RFX2: variants seen among roughly 807,000 people sequenced by gnomAD.
The protein encoded by RFX2 is regulatory factor X2, also known as DNA-binding protein RFX2.
RFX2 carries 20 observed loss-of-function variants against 87.8 expected under a neutral mutation model. The ratio of observed to expected loss-of-function variants is 0.23; its 90% CI spans 0.16 to 0.33. The LOEUF is 0.33. Among genes scored for constraint, RFX2 ranks in the 10% least tolerant of loss-of-function variants. The pLI, the probability that RFX2 is intolerant of heterozygous loss-of-function variation, is 1.00. For missense variants in RFX2, 767 were observed against 1,012.3 expected (o/e 0.76, Z 3.29); for synonymous variants, 397 against 431.3 (o/e 0.92, Z 0.98).
chr19:6,037,677 C>A (rs1371916801), intron 5 of RFX2, among the ~76,000 whole-genome samples: 1 of 152,132 alleles, frequency 6.6e-6, no homozygotes, highest in Admixed American at 6.5e-5. Flanking sequence ...TAAACTTATA[C>A]AGAAACTTTG....
rs564193398 is a variant in RFX2 at position 6,018,560 on chromosome 19, A to C, written c.598-2289T>G. Reference sequence around the variant, plus strand: ...GAATTGCAGGTGAGCTGCGGGGCTGAGTTCCATTTTAGGAAGGGGGAAGTT... The same window carrying C: ...GAATTGCAGGTGAGCTGCGGGGCTGCGTTCCATTTTAGGAAGGGGGAAGTT... On this transcript the variant is annotated intron_variant, in intron 6 of 17. Coordinates refer to ENST00000303657, the MANE Select transcript of RFX2 (RefSeq NM_000635.4). 1.1e-4 allele frequency among the ~76,000 whole-genome samples: 17 copies of C among 152,288 alleles called. No individual in the cohort carries two copies. The East Asian group carries it at 3.3e-3, about 29-fold the overall frequency.
At chr19:6,092,951 G>T (rs1013594845) in intron 1 of RFX2, among the ~76,000 whole-genome samples, 1 of 150,990 alleles carries the variant, frequency 6.6e-6, no homozygotes, top group African/African-American at 2.5e-5. Flanking sequence ...ACACGCATGT[G>T]GTAAAAAAAA....
At chr19:6,098,147 T>G (rs1238639659) in intron 1 of RFX2, among the ~76,000 whole-genome samples, 1 of 152,208 alleles carries the variant, frequency 6.6e-6, no homozygotes, top group Non-Finnish European at 1.5e-5. Context: ...ATCTATGAGC[T>G]TTGTAACCAG....
chr19:6,070,085 G>T (rs1419390174), intron 1 of RFX2, among the ~76,000 whole-genome samples: 2 of 145,034 alleles, frequency 1.4e-5, no homozygotes, highest in Non-Finnish European at 3.0e-5. Context: ...GGATGGGATG[G>T]GATGGGATGT....
In RFX2 at chr19:6,064,545, T is replaced by A. The variant is rs2087483334; in HGVS notation, c.-8-17041A>T. 6.6e-6 allele frequency among the ~76,000 whole-genome samples: 1 copy of A among 152,186 alleles called. No homozygotes were observed. The stretch of plus-strand genomic sequence containing the variant: ...GGACCTTGAAATGACAAGTGACAGT[T>A]CCTCAGCAGTAGCATCTCCTGCTTT... On this transcript the variant is annotated intron_variant, in intron 1 of 17. Transcript: ENST00000303657. The surrounding 1 kb of genome is among the most constrained non-coding windows in gnomAD (Gnocchi z 4.8).
In RFX2 at chr19:6,006,881, C is replaced by T. The variant is rs544338716; in HGVS notation, c.1402+131G>A. 131 of 1,024,282 alleles carry T rather than the reference C, an allele frequency of 1.3e-4. 1 individual carries two copies. The highest frequency in any genetic ancestry group is 5.3e-4 in the African/African-American group (33 of 62,848). 63.4% of individuals were successfully genotyped at this position (1,024,282 alleles called of 1,614,324 possible). A position where few individuals can be genotyped will look rare whatever the true frequency, so the allele number is the denominator to read the frequency against. ...TGTGGGGATCACTGGCATGAGCCAC[C>T]GCGCCCGGCCACTTTTGGGTTTTCT... On this transcript the variant is annotated intron_variant, in intron 12 of 17. Coordinates refer to ENST00000303657, the MANE Select transcript of RFX2 (RefSeq NM_000635.4).
At chr19:6,028,515 G>A (rs982205356) in intron 5 of RFX2, among the ~76,000 whole-genome samples, 1 of 152,154 alleles carries the variant, frequency 6.6e-6, no homozygotes, top group Non-Finnish European at 1.5e-5. Context: ...CCATATCAAC[G>A]AGCTTTTCAT....
intron 1 of RFX2, among the ~76,000 whole-genome samples, chr19:6,072,671 C>T (rs894449717): frequency 6.6e-6 from 1 of 152,132 alleles, no homozygotes; most frequent in African/African-American, 2.4e-5. Flanking sequence ...TACCACTGCA[C>T]TCCAGCCTGG....
intron 1 of RFX2, among the ~76,000 whole-genome samples, chr19:6,095,995 G>A (rs1350650048): frequency 1.3e-5 from 2 of 152,256 alleles, no homozygotes; most frequent in East Asian, 1.9e-4. Flanking sequence ...AAGCTCCATC[G>A]GGAGAGCTGA....
At chr19:6,033,459 A>G (rs933404892) in intron 5 of RFX2, among the ~76,000 whole-genome samples, 3 of 152,184 alleles carry the variant, frequency 2.0e-5, no homozygotes, top group Non-Finnish European at 4.4e-5. Context: ...CTTGTCTGGT[A>G]AATCAATTGA....
At position 6,013,042 on chromosome 19, in the gene RFX2, C is replaced by T; in HGVS notation, c.843G>A (p.Leu281=). Residue 281 remains leucine, a synonymous_variant, in exon 8 of 18, where the codon CTG becomes CTA. Transcript: ENST00000303657. This position sits in a 1 kb window ranked among gnomAD's most constrained non-coding sequence, Gnocchi z 4.1. Reference sequence around the variant, plus strand: ...TGGCCATGTACTGCGTGTCCTCCTGCAGCCGGTTCAGTGGTGAGTCCGGCT... The same window carrying T: ...TGGCCATGTACTGCGTGTCCTCCTGTAGCCGGTTCAGTGGTGAGTCCGGCT... ...RLKPDSPLNR[L]QEDTQYMAMR... is the part of the protein sequence containing the mutation. 1.2e-6 allele frequency: 2 copies of T among 1,602,794 alleles called. No individual in the cohort carries two copies. Among genetic ancestry groups the T allele is most frequent in the Non-Finnish European group, 8.5e-7 (1 of 1,174,918 alleles).
intron 6 of RFX2, among the ~76,000 whole-genome samples, chr19:6,019,135 G>A (rs1368983043): frequency 6.6e-6 from 1 of 151,928 alleles, no homozygotes; most frequent in African/African-American, 2.4e-5. Flanking sequence ...CCAGCATTGG[G>A]TGCCATGTGC....
Position 6,056,768 on chromosome 19 carries a change from T to A in RFX2, c.-8-9264A>T, listed in dbSNP as rs1026331253. On this transcript the variant is annotated intron_variant, in intron 1 of 17. Transcript: ENST00000303657. The surrounding 1 kb of genome is among the most constrained non-coding windows in gnomAD (Gnocchi z 4.6). The stretch of plus-strand genomic sequence containing the variant: ...CTTTCTCGCGTTCCTTTGTCCTCTC[T>A]TCTGTTTTTCTTCCTGTGGCGAGGA... 3.4e-4 allele frequency among the ~76,000 whole-genome samples: 52 copies of A among 152,214 alleles called. No homozygotes were observed. Among genetic ancestry groups the A allele is most frequent in the African/African-American group, 1.2e-3 (48 of 41,450 alleles).
At chr19:6,054,265 C>T (rs2087302021) in intron 1 of RFX2, among the ~76,000 whole-genome samples, 1 of 151,982 alleles carries the variant, frequency 6.6e-6, no homozygotes, top group Non-Finnish European at 1.5e-5. Context: ...TGGAAACTTC[C>T]CTACACAGAA....
chr19:6,098,614 T>C (rs1323592079), intron 1 of RFX2, among the ~76,000 whole-genome samples: 5 of 151,944 alleles, frequency 3.3e-5, no homozygotes, highest in Admixed American at 6.6e-5. Flanking sequence ...AGGAGTGTTA[T>C]AGAGGGGTTA....
At chr19:6,034,213 GAC>G (rs772119015) in intron 5 of RFX2, among the ~76,000 whole-genome samples, 3 of 150,340 alleles carry the variant, frequency 2.0e-5, no homozygotes, top group Non-Finnish European at 4.4e-5. Context: ...TGGGACTACA[GAC>G]ACACACTGCT....
intron 1 of RFX2, among the ~76,000 whole-genome samples, chr19:6,055,165 T>G (rs116207857): frequency 0.022 from 3,281 of 152,238 alleles, 117 homozygotes; most frequent in African/African-American, 0.075. Flanking sequence ...CACTAAATAC[T>G]CACTAGAATG....
At chr19:6,029,829 T>C (rs1483364761) in intron 5 of RFX2, among the ~76,000 whole-genome samples, 2 of 152,204 alleles carry the variant, frequency 1.3e-5, no homozygotes, top group Non-Finnish European at 1.5e-5. Context: ...GTTGAAAGTA[T>C]AATAGCTGGA....
chr19:6,026,750 CAA>C lies in RFX2; in HGVS notation c.523-515_523-514del. 6.0e-6 allele frequency: 1 copy of C among 167,744 alleles called. No homozygotes were observed. The allele number at this position is 167,744 out of a possible 1,614,324, so 10.4% of individuals were successfully genotyped here. ...GGCTTTGGGAAAATAGCAGCGAGGC[CAA>C]AGACTCAGACCCTGCCACCAGGAGG... On this transcript the variant is annotated intron_variant, in intron 5 of 17. Transcript: ENST00000303657. This position sits in a 1 kb window ranked among gnomAD's most constrained non-coding sequence, Gnocchi z 4.5.
Sources: gnomAD v4.1 joint callset for allele counts (sites outside exome capture counted in the v4.1 genomes callset) on GRCh38, gnomAD v4.1.1 for gene constraint, Gnocchi (gnomAD v3.1) non-coding constraint, MANE v1.5 for transcripts, NCBI Gene and HGNC (gene_info 2026-07-23, HGNC 2026-07-21) for gene names.